Variants in EPHA6 observed in about 807,000 individuals in gnomAD.
EPHA6 encodes the protein EPH receptor A6, also known as ephrin type-A receptor 6.
EPHA6 carries 50 observed loss-of-function variants against 112.0 expected under a neutral mutation model. That is an observed-to-expected ratio of 0.45 (90% CI 0.36 to 0.56). The LOEUF is 0.56. Ranked by LOEUF, EPHA6 falls within the 20% of genes least tolerant of loss-of-function variation. The pLI is 0.00. For missense variants in EPHA6, 1,280 were observed against 1,417.4 expected, an observed-to-expected ratio of 0.90 and a Z score of 1.56; for synonymous variants, 529 against 490.7, an observed-to-expected ratio of 1.08 and a Z score of -1.03.
rs562047252 is a variant in EPHA6, at chr3:97,628,487, G to A, written c.2575-9386G>A. Among the ~76,000 whole-genome samples, 6 of 151,940 alleles carry A rather than the reference G, an allele frequency of 3.9e-5. No homozygotes were observed. In the South Asian group the frequency reaches 1.2e-3, roughly 32 times the overall value. On this transcript the variant is annotated intron_variant, in intron 13 of 17. Coordinates refer to ENST00000389672, the MANE Select transcript of EPHA6 (RefSeq NM_001080448.3). ...ATTATATTTCAGAAGATATCACTAA[G>A]AGTCATAAAATTGTCTGTTACTTCC...
rs542666558 is a variant in EPHA6 at position 97,759,053 on chromosome 3, A to C, written c.*10352A>C. 7.9e-5 allele frequency among the ~76,000 whole-genome samples: 12 copies of C among 152,190 alleles called. No homozygotes were observed. In the South Asian group the frequency reaches 2.3e-3, roughly 29 times the overall value. On this transcript the variant is annotated 3_prime_UTR_variant, in exon 18 of 18. Coordinates refer to ENST00000389672, the MANE Select transcript of EPHA6 (RefSeq NM_001080448.3). ...CCTGTGGAGGTAGGCCTAGGATTGC[A>C]CTATATGCTATTCCAATGTTTAATA...
rs1410276246 is a variant in EPHA6, at chr3:97,693,333, T to TTAAGCAGAGCCAG, written c.2785-26925_2785-26924insGCAGAGCCAGTAA. ...TGGGTTAAGCAGAGCCAGTATATAT[T>TTAAGCAGAGCCAG]TAAATAAAACAGTTTTCTAATCAGA... On this transcript the variant is annotated intron_variant, in intron 14 of 17. Coordinates refer to ENST00000389672, the MANE Select transcript of EPHA6 (RefSeq NM_001080448.3). 4.6e-5 allele frequency among the ~76,000 whole-genome samples: 7 copies of TTAAGCAGAGCCAG among 152,324 alleles called. No individual in the cohort carries two copies. In the East Asian group the frequency reaches 9.6e-4, roughly 21 times the overall value.
At chr3:97,325,255 T>G (rs1166281210) in intron 5 of EPHA6, among the ~76,000 whole-genome samples, 2 of 152,112 alleles carry the variant, frequency 1.3e-5, no homozygotes, top group Non-Finnish European at 2.9e-5. Context: ...AGAAATGTAT[T>G]TCTTGCCTAT....
intron 12 of EPHA6, among the ~76,000 whole-genome samples, chr3:97,608,541 T>G (rs749577441): frequency 4.3e-4 from 65 of 151,456 alleles, no homozygotes; most frequent in African/African-American, 1.5e-3. Flanking sequence ...CATTTCATAG[T>G]GTACACAACA....
Position 97,090,221 on chromosome 3 carries a change from TAA to T in EPHA6, c.1114+102229_1114+102230del, listed in dbSNP as rs1032866599. Among the ~76,000 whole-genome samples, 4 of 152,072 alleles carry T rather than the reference TAA, an allele frequency of 2.6e-5. No individual in the cohort carries two copies. In the East Asian group the frequency reaches 7.7e-4, roughly 29 times the overall value. ...TATTGCAAACTGTTTCAAAATGGAT[TAA>T]GTTACTAATTTTTATCTTTTTTATT... On this transcript the variant is annotated intron_variant, in intron 3 of 17. Transcript: ENST00000389672.
At chr3:97,470,213 G>T (rs1358565749) in intron 7 of EPHA6, among the ~76,000 whole-genome samples, 1 of 151,550 alleles carries the variant, frequency 6.6e-6, no homozygotes, top group African/African-American at 2.4e-5. Flanking sequence ...TCTGAGAGGA[G>T]AATTTTCCTG....
At chr3:97,350,759 A>C (rs979316555) in intron 5 of EPHA6, among the ~76,000 whole-genome samples, 2 of 152,116 alleles carry the variant, frequency 1.3e-5, no homozygotes, top group African/African-American at 4.8e-5. Flanking sequence ...AATATGCCAC[A>C]TGTTCATTCC....
chr3:97,302,731 C>T (rs190056981), intron 5 of EPHA6, among the ~76,000 whole-genome samples: 56 of 151,816 alleles, frequency 3.7e-4, no homozygotes, highest in Admixed American at 2.2e-3. Context: ...GACTTATTAC[C>T]TTATTTTCAG....
intron 5 of EPHA6, among the ~76,000 whole-genome samples, chr3:97,322,190 G>T (rs1050420743): frequency 3.9e-5 from 6 of 152,036 alleles, no homozygotes; most frequent in Non-Finnish European, 8.8e-5. Flanking sequence ...AAAATGTTTA[G>T]ATGCTAAGCT....
intron 14 of EPHA6, among the ~76,000 whole-genome samples, chr3:97,642,477 C>T (rs1003281137): frequency 9.7e-5 from 14 of 145,054 alleles, no homozygotes; most frequent in South Asian, 2.3e-4. Context: ...AGGCTTCAGA[C>T]GATCAAATTA....
chr3:97,259,183 A>G (rs2079414920), intron 5 of EPHA6, among the ~76,000 whole-genome samples: 1 of 152,172 alleles, frequency 6.6e-6, no homozygotes, highest in African/African-American at 2.4e-5. Context: ...TTTTTGAAAA[A>G]TAAAAAATAC....
intron 11 of EPHA6, among the ~76,000 whole-genome samples, chr3:97,570,455 G>A (rs2093321393): frequency 6.6e-6 from 1 of 152,194 alleles, no homozygotes; most frequent in Non-Finnish European, 1.5e-5. Context: ...TATGGGGCTG[G>A]GCGCGGTGGC....
intron 5 of EPHA6, among the ~76,000 whole-genome samples, chr3:97,341,860 C>T (rs1364177958): frequency 6.6e-6 from 1 of 152,024 alleles, no homozygotes; most frequent in Non-Finnish European, 1.5e-5. Flanking sequence ...TTCCAAAATA[C>T]ATTACTAAGA....
intron 2 of EPHA6, among the ~76,000 whole-genome samples, chr3:96,915,856 T>A (rs2039458204): frequency 6.6e-6 from 1 of 152,112 alleles, no homozygotes; most frequent in African/African-American, 2.4e-5. Context: ...GGTACTGTTT[T>A]ATGCCAGTTT....
At chr3:97,186,738 G>GA (rs1410737054) in intron 3 of EPHA6, among the ~76,000 whole-genome samples, 2 of 151,772 alleles carry the variant, frequency 1.3e-5, no homozygotes, top group Non-Finnish European at 2.9e-5. Flanking sequence ...GTTTTCCTTT[G>GA]AAAAAATAGC....
At chr3:96,994,798 G>GTATATATA (rs753895562) in intron 3 of EPHA6, among the ~76,000 whole-genome samples, 1 of 136,532 alleles carries the variant, frequency 7.3e-6, no homozygotes, top group African/African-American at 2.8e-5. Context: ...ATATGTGTGT[G>GTATATATA]TATATATATA....
intron 3 of EPHA6, among the ~76,000 whole-genome samples, chr3:97,014,988 A>G (rs750225428): frequency 1.3e-5 from 2 of 152,146 alleles, no homozygotes; most frequent in Non-Finnish European, 2.9e-5. Flanking sequence ...TCTAATTGAA[A>G]TGGTTCCTTT....
intron 2 of EPHA6, among the ~76,000 whole-genome samples, chr3:96,897,211 A>AC (rs1559810632): frequency 2.1e-3 from 305 of 143,416 alleles, no homozygotes; most frequent in African/African-American, 7.3e-3. Flanking sequence ...TGTATATACA[A>AC]ACACACACAC....
chr3:97,640,731 G>C (rs1171268642), intron 14 of EPHA6, among the ~76,000 whole-genome samples: 1 of 151,926 alleles, frequency 6.6e-6, no homozygotes, highest in Non-Finnish European at 1.5e-5. Flanking sequence ...GATGAACTGA[G>C]ATCATGCCAT....
Sources: gnomAD v4.1 joint callset for allele counts (sites outside exome capture counted in the v4.1 genomes callset) on GRCh38, gnomAD v4.1.1 for gene constraint, MANE v1.5 for transcripts, NCBI Gene and HGNC (gene_info 2026-07-23, HGNC 2026-07-21) for gene names.